The following GLO1 variants were observed in gnomAD, a reference collection of about 807,000 sequenced individuals.
GLO1 encodes the protein lactoylglutathione lyase.
In GLO1, 28 loss-of-function variants were observed where a neutral mutation model predicts 26.0. That is an observed-to-expected ratio of 1.08 (90% CI 0.80 to 1.48). The LOEUF (loss-of-function observed/expected upper bound fraction) is 1.48, where lower values mean the gene tolerates loss of function less well. Ranked by LOEUF, GLO1 falls within the 40% of genes most tolerant of loss-of-function variation. GLO1 has a pLI of 0.00. For synonymous variants in GLO1, 78 were observed against 77.6 expected (o/e 1.00, Z -0.03); for missense variants, 225 against 224.8 (o/e 1.00, Z -0.01).
chr6:38,698,222 CTTCA>C (rs1761638812), intron 1 of GLO1, among the ~76,000 whole-genome samples: 1 of 152,048 alleles, frequency 6.6e-6, no homozygotes, highest in Admixed American at 6.6e-5. Flanking sequence ...CTGCTTATAA[CTTCA>C]TTCACTGTGT....
In GLO1 at chr6:38,699,745, C is replaced by A. The variant is rs144080784; in HGVS notation, c.84+3226G>T. ...TTACTAGGGTGGGGAAAAAACTTCA[C>A]CCTAGTAAATTTGTGGTCAGACCGC... On this transcript the variant is annotated intron_variant, in intron 1 of 5. Coordinates refer to ENST00000373365, the MANE Select transcript of GLO1 (RefSeq NM_006708.3). Among the ~76,000 whole-genome samples the A allele has an allele frequency of 2.0e-3, 308 of 152,164 alleles. 2 individuals are homozygous for A. Among genetic ancestry groups the A allele is most frequent in the African/African-American group, 7.1e-3 (294 of 41,508 alleles).
intron 1 of GLO1, among the ~76,000 whole-genome samples, chr6:38,690,414 G>T (rs1332174426): frequency 6.6e-6 from 1 of 152,070 alleles, no homozygotes; most frequent in African/African-American, 2.4e-5. Context: ...AGGCATAAAA[G>T]AATATTATGA....
In GLO1 at chr6:38,677,130, A is replaced by T. The variant is rs1761266294; in HGVS notation, c.*165T>A. 1.6e-6 allele frequency: 1 copy of T among 634,038 alleles called. No individual in the cohort carries two copies. Among genetic ancestry groups the T allele is most frequent in the Non-Finnish European group, 2.8e-6 (1 of 358,130 alleles). 39.3% of individuals were successfully genotyped at this position (634,038 alleles called of 1,614,324 possible). On this transcript the variant is annotated 3_prime_UTR_variant, in exon 6 of 6. Transcript: ENST00000373365. Reference sequence around the variant, plus strand: ...CACTGCTTGAAAACCAGAATGACTGAACAGTTAGGTGAAAAGGAACAGCTG... The same window carrying T: ...CACTGCTTGAAAACCAGAATGACTGTACAGTTAGGTGAAAAGGAACAGCTG...
intron 1 of GLO1, among the ~76,000 whole-genome samples, chr6:38,700,033 C>T (rs1761674734): frequency 6.6e-6 from 1 of 152,106 alleles, no homozygotes; most frequent in Non-Finnish European, 1.5e-5. Flanking sequence ...CTTTTGAAAC[C>T]CTTAATAAAA....
At chr6:38,683,340 C>T (rs1205035176) in intron 3 of GLO1, 1 of 152,804 alleles carries the variant, frequency 6.5e-6, no homozygotes, top group African/African-American at 2.4e-5. Flanking sequence ...TGCAGATAAA[C>T]AATGTAAAGA....
rs4746 is a variant in GLO1, at chr6:38,682,852, T to A, written c.332A>T (p.Glu111Val). 1.6e-5 allele frequency: 25 copies of A among 1,600,252 alleles called. No individual in the cohort carries two copies. Among genetic ancestry groups the A allele is most frequent in the East Asian group, 2.2e-5 (1 of 44,822 alleles). ...LTHNWGTEDD[E>V]TQSYHNGNSD... ...ATTGCCATTGTGGTAACTCTGGGTCTCATCATCTTCAGTGCCCCAATTGCT... is the reference window on the plus strand; with the variant it reads ...ATTGCCATTGTGGTAACTCTGGGTCACATCATCTTCAGTGCCCCAATTGCT... The change falls in exon 4 of 6, where the codon GAG (glutamate) becomes GTG (valine). Residue 111 changes from glutamate (E) to valine (V), a missense_variant. Physicochemically the swap from Glu to Val is moderately radical, Grantham distance 121. Transcript: ENST00000373365.
chr6:38,687,171 C>G, intron 1 of GLO1, 197 bp from the exon 2 acceptor site: 1 of 833,846 alleles, frequency 1.2e-6, no homozygotes, highest in Non-Finnish European at 1.4e-6. Flanking sequence ...GTTTCCACTG[C>G]AGGAATGACC....
chr6:38,687,105 C>T (rs1426796684), intron 1 of GLO1, 131 bp from the exon 2 acceptor site: 7 of 1,441,586 alleles, frequency 4.9e-6, no homozygotes, highest in Non-Finnish European at 6.4e-6. Context: ...GCTCTCTGCT[C>T]AGTGGTATCT....
intron 1 of GLO1, among the ~76,000 whole-genome samples, chr6:38,693,685 C>CTCTCTCTCTCTATATATATATATA (rs869232489): frequency 1.2e-5 from 1 of 86,440 alleles, no homozygotes; most frequent in Non-Finnish European, 2.4e-5. Context: ...CTCTCTCTCT[C>CTCTCTCTCTCTATATATATATATA]TATATATATA....
intron 1 of GLO1, among the ~76,000 whole-genome samples, chr6:38,697,201 C>T (rs748066086): frequency 9.8e-5 from 15 of 152,336 alleles, no homozygotes; most frequent in Non-Finnish European, 1.6e-4. Context: ...ACGTGAGCCA[C>T]CGGGCCTGGC....
Position 38,678,412 on chromosome 6 carries a change from A to AGG in GLO1, c.467-1030_467-1029insCC, listed in dbSNP as rs374301165. Among the ~76,000 whole-genome samples, 89 of 146,578 alleles carry AGG rather than the reference A, an allele frequency of 6.1e-4. 2 individuals carry two copies. The highest frequency in any genetic ancestry group is 7.9e-4 in the Non-Finnish European group (52 of 65,790). ...GAAGGAAGGAAGGAAAAGAAAAGGAAAAGAAAAGAAAAGAAAAGAAAAGGA... is the reference window on the plus strand; with the variant it reads ...GAAGGAAGGAAGGAAAAGAAAAGGAAGGAAGAAAAGAAAAGAAAAGAAAAGGA... On this transcript the variant is annotated intron_variant, in intron 5 of 5. Coordinates refer to ENST00000373365, the MANE Select transcript of GLO1 (RefSeq NM_006708.3).
At chr6:38,701,553 T>C (rs573362633) in intron 1 of GLO1, among the ~76,000 whole-genome samples, 101 of 152,288 alleles carry the variant, frequency 6.6e-4, no homozygotes, top group African/African-American at 2.3e-3. Context: ...GGAAAATACT[T>C]TACACTGAGT....
chr6:38,690,204 C>G (rs1761511305), intron 1 of GLO1, among the ~76,000 whole-genome samples: 1 of 152,184 alleles, frequency 6.6e-6, no homozygotes, highest in Admixed American at 6.5e-5. Flanking sequence ...GTGCCAGATG[C>G]TGTTCTAAGA....
intron 4 of GLO1, among the ~76,000 whole-genome samples, chr6:38,682,544 T>TA (rs141004952): frequency 0.03 from 4,540 of 148,874 alleles, 203 homozygotes; most frequent in African/African-American, 0.1. Context: ...ACAGCTTTTT[T>TA]AAAAAAAAAA....
rs772753078 is a variant in GLO1, at chr6:38,684,522, G to GA, written c.168-9dup. 18 of 1,481,260 alleles carry GA rather than the reference G, an allele frequency of 1.2e-5. No homozygotes were observed. Among genetic ancestry groups the GA allele is most frequent in the African/African-American group, 7.2e-5 (5 of 69,116 alleles). The allele number at this position is 1,481,260 out of a possible 1,614,324, so 91.8% of individuals were successfully genotyped here. A position where few individuals can be genotyped will look rare whatever the true frequency, so the allele number is the denominator to read the frequency against. Reference sequence around the variant, plus strand: ...TCACATTTTTGGATTAGCCTGCAATGAAAAAACAACAAGCCTGAATCATTA... The same window carrying GA: ...TCACATTTTTGGATTAGCCTGCAATGAAAAAAACAACAAGCCTGAATCATTA... On this transcript the variant is annotated splice_polypyrimidine_tract_variant and intron_variant, in intron 2 of 5. Coordinates refer to ENST00000373365, the MANE Select transcript of GLO1 (RefSeq NM_006708.3).
rs1175252865 is a variant in GLO1 at position 38,684,443 on chromosome 6, T to A, written c.239A>T (p.Asp80Val). Residue 80 changes from aspartate (D) to valine (V), a missense_variant, in exon 3 of 6, where the codon GAC (aspartate) becomes GTC (valine). Transcript: ENST00000373365. Reference sequence around the variant, plus strand: ...TTTTTCATCTTTTTCTTTAGGGATGTCATTTTTATCCTCATAAGCCAAGAA... The same window carrying A: ...TTTTTCATCTTTTTCTTTAGGGATGACATTTTTATCCTCATAAGCCAAGAA... Reference protein sequence around the residue: ...LYFLAYEDKNDIPKEKDEKIA... With the variant: ...LYFLAYEDKNVIPKEKDEKIA... The A allele has an allele frequency of 1.9e-6, 3 of 1,576,476 alleles. No homozygotes were observed. In the East Asian group the frequency reaches 7.0e-5, roughly 37 times the overall value.
chr6:38,697,588 C>T (rs192212380), intron 1 of GLO1, among the ~76,000 whole-genome samples: 1 of 152,214 alleles, frequency 6.6e-6, no homozygotes, highest in Non-Finnish European at 1.5e-5. Flanking sequence ...TTACAATTCT[C>T]CCTCTCCAGA....
chr6:38,687,002 C>G, intron 1 of GLO1, 28 bp from the exon 2 acceptor site: 2 of 1,550,140 alleles, frequency 1.3e-6, no homozygotes, highest in Non-Finnish European at 1.8e-6. Flanking sequence ...TATTAAACAT[C>G]TTTCACTTTT....
chr6:38,690,681 AT>A (rs1329718490), intron 1 of GLO1, among the ~76,000 whole-genome samples: 2 of 152,148 alleles, frequency 1.3e-5, no homozygotes, highest in Non-Finnish European at 2.9e-5. Context: ...GCCTAAACAC[AT>A]ACACATAAAG....
Sources: allele counts gnomAD v4.1 joint callset (sites outside exome capture counted in the v4.1 genomes callset), GRCh38; gene constraint gnomAD v4.1.1; transcripts MANE v1.5; gene names NCBI Gene and HGNC (gene_info 2026-07-23, HGNC 2026-07-21).